DHX36: variants seen among roughly 807,000 people sequenced by gnomAD.
The protein encoded by DHX36 is DEAH-box helicase 36.
A neutral mutation model predicts 139.0 loss-of-function variants in DHX36; 50 were observed. That is an observed-to-expected ratio of 0.36 (90% CI 0.29 to 0.46). The LOEUF (loss-of-function observed/expected upper bound fraction) is 0.46, where lower values mean the gene tolerates loss of function less well. Ranked by LOEUF, DHX36 falls within the 20% of genes least tolerant of loss-of-function variation. The probability of loss-of-function intolerance (pLI) is 1.00; values close to 1 mark genes in which losing one functional copy is unlikely to be tolerated. For missense variants in DHX36, 1,024 were observed against 1,211.3 expected (o/e 0.85, Z 2.29); for synonymous variants, 425 against 401.9 (o/e 1.06, Z -0.69).
At chr3:154,305,428 AATTACTTATGGGGC>A (rs1242322408) in intron 6 of DHX36, 1 of 320,974 alleles carries the variant, frequency 3.1e-6, no homozygotes, top group Non-Finnish European at 5.7e-6. Context: ...ACAACAACTG[AATTACTTATGGGGC>A]CTAAATATTT....
chr3:154,297,651 A>G (rs1712094813), intron 12 of DHX36, among the ~76,000 whole-genome samples: 1 of 151,756 alleles, frequency 6.6e-6, no homozygotes, highest in Non-Finnish European at 1.5e-5. Flanking sequence ...CGGAGGTTGC[A>G]GTGAGCTGAG....
chr3:154,310,826 T>TAC (rs1712727569), intron 4 of DHX36, among the ~76,000 whole-genome samples: 1 of 31,090 alleles, frequency 3.2e-5, no homozygotes, highest in African/African-American at 1.9e-4. Context: ...TATATATATA[T>TAC]ATATATATAT....
chr3:154,316,212 T>C (rs1712974780), intron 1 of DHX36, 49 bp from the exon 2 acceptor site: 2 of 1,604,298 alleles, frequency 1.2e-6, no homozygotes, highest in Non-Finnish European at 1.7e-6. Flanking sequence ...AGAAAGCATA[T>C]GCAAAAATTA....
intron 19 of DHX36, 40 bp from the exon 20 acceptor site, chr3:154,283,311 CA>C (rs755797736): frequency 5.3e-5 from 74 of 1,391,876 alleles, no homozygotes; most frequent in Non-Finnish European, 6.8e-5. Flanking sequence ...ATTTCTCCCG[CA>C]AACAAAGATT....
chr3:154,292,466 T>C (rs1441305867), intron 15 of DHX36, 85 bp downstream of exon 15: 3 of 1,536,926 alleles, frequency 2.0e-6, no homozygotes, highest in Non-Finnish European at 2.7e-6. Context: ...ACTCTTTTAA[T>C]AAATATCTTT....
intron 1 of DHX36, among the ~76,000 whole-genome samples, chr3:154,318,031 G>T (rs999685547): frequency 9.9e-5 from 15 of 152,130 alleles, no homozygotes; most frequent in Non-Finnish European, 1.9e-4. Flanking sequence ...AGGGTGGGTA[G>T]AGGAGTATGT....
chr3:154,312,938 A>G (rs2108363164), intron 3 of DHX36, among the ~76,000 whole-genome samples: 1 of 133,504 alleles, frequency 7.5e-6, no homozygotes, highest in South Asian at 2.4e-4. Flanking sequence ...ATCTAGTATT[A>G]TATTATTGCC....
At chr3:154,283,402 A>AT in intron 19 of DHX36, 131 bp from the exon 20 acceptor site, 4 of 639,884 alleles carry the variant, frequency 6.3e-6, no homozygotes, top group Non-Finnish European at 8.1e-6. Flanking sequence ...AATTCAAAGA[A>AT]TTTTATAACT....
At chr3:154,305,269 T>C (rs1165047228) in intron 6 of DHX36, 101 bp from the exon 7 acceptor site, 2 of 1,035,074 alleles carry the variant, frequency 1.9e-6, no homozygotes, top group Non-Finnish European at 1.4e-6. Context: ...CTTTCAGTTT[T>C]AATGAAAATC....
intron 4 of DHX36, among the ~76,000 whole-genome samples, chr3:154,310,557 CG>C (rs1236944074): frequency 1.3e-5 from 2 of 150,512 alleles, no homozygotes; most frequent in Non-Finnish European, 3.0e-5. Flanking sequence ...CTGAGGTAGG[CG>C]GATCATGAGG....
intron 6 of DHX36, 41 bp downstream of exon 6, chr3:154,306,175 C>T: frequency 7.1e-7 from 1 of 1,415,980 alleles, no homozygotes. Flanking sequence ...TTCAAAGTTT[C>T]ACTAAAATCT....
chr3:154,284,028 GTTCA>G (rs1400211783), intron 19 of DHX36, among the ~76,000 whole-genome samples: 1 of 152,066 alleles, frequency 6.6e-6, no homozygotes, highest in Non-Finnish European at 1.5e-5. Flanking sequence ...CTATTCACTT[GTTCA>G]TTCTTACCAA....
At chr3:154,317,890 G>C (rs1713045286) in intron 1 of DHX36, among the ~76,000 whole-genome samples, 1 of 151,844 alleles carries the variant, frequency 6.6e-6, no homozygotes, top group African/African-American at 2.4e-5. Flanking sequence ...ACATATACAA[G>C]TAATTTCACA....
chr3:154,293,983 A>T (rs1299932871), intron 13 of DHX36, among the ~76,000 whole-genome samples, 171 bp from the exon 14 acceptor site: 8 of 152,332 alleles, frequency 5.3e-5, no homozygotes, highest in Admixed American at 4.6e-4. Context: ...ATCATTTTCA[A>T]TATTACAAAA....
Position 154,284,564 on chromosome 3 carries a change from CA to C in DHX36, c.2292+18del. On this transcript the variant is annotated intron_variant, in intron 19 of 24. Coordinates refer to ENST00000496811, the MANE Select transcript of DHX36 (RefSeq NM_020865.3). ...TTGAATAAACTATCATAATCCAGGA[CA>C]AAATTTTTTTTTTTTACCTCAAACG... The C allele has an allele frequency of 2.6e-6, 4 of 1,528,698 alleles. No individual in the cohort carries two copies. Among genetic ancestry groups the C allele is most frequent in the South Asian group, 1.2e-5 (1 of 83,484 alleles). The allele number at this position is 1,528,698 out of a possible 1,614,324, so 94.7% of individuals were successfully genotyped here. A position where few individuals can be genotyped will look rare whatever the true frequency, so the allele number is the denominator to read the frequency against.
intron 1 of DHX36, among the ~76,000 whole-genome samples, chr3:154,319,593 C>G (rs1391690932): frequency 6.6e-6 from 1 of 152,172 alleles, no homozygotes; most frequent in Non-Finnish European, 1.5e-5. Flanking sequence ...CAGTCCAGTT[C>G]CTTTCATGTC....
intron 15 of DHX36, among the ~76,000 whole-genome samples, chr3:154,291,008 G>A (rs933296609): frequency 2.5e-4 from 37 of 149,374 alleles, no homozygotes; most frequent in African/African-American, 8.3e-4. Flanking sequence ...AGTGGCGGGC[G>A]CCTGTAGTCC....
rs1713263646 is a variant in DHX36 at position 154,323,159 on chromosome 3, AC to A, written c.243+1014del. ...AGACCAACCTGGCCAACATGGTGAAACCCCGTCTCTACTAAAAATACAAAAA... is the reference window on the plus strand; with the variant it reads ...AGACCAACCTGGCCAACATGGTGAAACCCGTCTCTACTAAAAATACAAAAA... On this transcript the variant is annotated intron_variant, in intron 1 of 24. Transcript: ENST00000496811. Among the ~76,000 whole-genome samples the A allele has an allele frequency of 2.0e-5, 3 of 152,258 alleles. No homozygotes were observed. In the South Asian group the frequency reaches 6.2e-4, roughly 32 times the overall value.
chr3:154,307,606 C>T (rs543973515), intron 5 of DHX36, among the ~76,000 whole-genome samples: 3 of 151,892 alleles, frequency 2.0e-5, no homozygotes, highest in African/African-American at 7.3e-5. Flanking sequence ...ATTAAAGAGT[C>T]AAAAAATAAT....
Sources: gnomAD v4.1 joint callset for allele counts (sites outside exome capture counted in the v4.1 genomes callset) on GRCh38, gnomAD v4.1.1 for gene constraint, MANE v1.5 for transcripts, NCBI Gene and HGNC (gene_info 2026-07-23, HGNC 2026-07-21) for gene names.